Variants in KLHDC2 observed in about 807,000 individuals in gnomAD.
The protein encoded by KLHDC2 is kelch domain containing 2.
A neutral mutation model predicts 62.3 loss-of-function variants in KLHDC2; 38 were observed. The observed-to-expected ratio is 0.61, with a 90% CI of 0.47 to 0.80. The LOEUF is 0.80. Ranked by LOEUF, KLHDC2 falls within the 30% of genes least tolerant of loss-of-function variation. The pLI is 0.00. For synonymous variants in KLHDC2, 159 were observed against 161.0 expected, an observed-to-expected ratio of 0.99 and a Z score of 0.09; for missense variants, 430 against 495.3, an observed-to-expected ratio of 0.87 and a Z score of 1.25.
intron 1 of KLHDC2, 56 bp from the exon 2 acceptor site, chr14:49,771,538 C>A: frequency 1.3e-6 from 1 of 773,728 alleles, no homozygotes. Flanking sequence ...TTAAAAAATA[C>A]AGTAGTGCCT....
Position 49,782,991 on chromosome 14 carries a change from C to T in KLHDC2, c.*38C>T. 1 of 1,594,700 alleles carries T rather than the reference C, an allele frequency of 6.3e-7. No individual in the cohort carries two copies. The highest frequency in any genetic ancestry group is 8.6e-7 in the Non-Finnish European group (1 of 1,169,016). On this transcript the variant is annotated 3_prime_UTR_variant, in exon 13 of 13. Transcript: ENST00000298307. ...AATGCCTATGATCACCTTGCATGGACAGCAATCCTGTAAACATCACAGAGT... is the reference window on the plus strand; with the variant it reads ...AATGCCTATGATCACCTTGCATGGATAGCAATCCTGTAAACATCACAGAGT...
rs1594698386 is a variant in KLHDC2, at chr14:49,771,359, AG to A, written c.154-234del. Among the ~76,000 whole-genome samples, 3 of 151,874 alleles carry A rather than the reference AG, an allele frequency of 2.0e-5. No individual in the cohort carries two copies. In the East Asian group the frequency reaches 5.8e-4, roughly 29 times the overall value. On this transcript the variant is annotated intron_variant, in intron 1 of 12. Transcript: ENST00000298307. ...TAGAGACTTGGACTAAAAAAAAAAA[AG>A]TTCCCAGAGATCTCTTCTTGTCCTA...
intron 6 of KLHDC2, among the ~76,000 whole-genome samples, 174 bp downstream of exon 6, chr14:49,778,668 G>C (rs1398223558): frequency 6.6e-6 from 1 of 151,858 alleles, no homozygotes; most frequent in African/African-American, 2.4e-5. Flanking sequence ...CTAGAACTCA[G>C]AAGTTTAATG....
At chr14:49,781,329 T>TCGTACCA in intron 10 of KLHDC2, among the ~76,000 whole-genome samples, 1 of 148,964 alleles carries the variant, frequency 6.7e-6, no homozygotes, top group South Asian at 2.1e-4. Flanking sequence ...AGATCGTGCC[T>TCGTACCA]TTGCACTCCA....
In KLHDC2 at chr14:49,782,954, G is replaced by A; in HGVS notation, c.*1G>A. 1 of 1,611,090 alleles carries A rather than the reference G, an allele frequency of 6.2e-7. No homozygotes were observed. The highest frequency in any genetic ancestry group is 1.3e-5 in the African/African-American group (1 of 74,894). ...TAGTAACAACACTTCTGGATCTTAA[G>A]GCTTCATAAATAATGCCTATGATCA... On this transcript the variant is annotated 3_prime_UTR_variant, in exon 13 of 13. Transcript: ENST00000298307.
intron 9 of KLHDC2, 63 bp downstream of exon 9, chr14:49,780,385 A>T: frequency 8.9e-7 from 1 of 1,122,462 alleles, no homozygotes; most frequent in East Asian, 2.3e-5. Context: ...ATAGCTGAAA[A>T]TGAGTCTATT....
In KLHDC2 at chr14:49,783,612, C is replaced by T. The variant is rs1890019176; in HGVS notation, c.*659C>T. ...CATCATTTTCCATTCTGTTAAGAGA[C>T]AGAGGAAAAGTGGGTTAGAGTCTTT... On this transcript the variant is annotated 3_prime_UTR_variant, in exon 13 of 13. Transcript: ENST00000298307. 6.6e-6 allele frequency: 1 copy of T among 151,834 alleles called. No individual in the cohort carries two copies. Among genetic ancestry groups the T allele is most frequent in the African/African-American group, 2.4e-5 (1 of 41,288 alleles). The allele number at this position is 151,834 out of a possible 1,614,324, so 9.4% of individuals were successfully genotyped here. A position where few individuals can be genotyped will look rare whatever the true frequency, so the allele number is the denominator to read the frequency against.
intron 3 of KLHDC2, among the ~76,000 whole-genome samples, chr14:49,776,072 C>CCCCT (rs1396215429): frequency 6.6e-6 from 1 of 152,146 alleles, no homozygotes; most frequent in African/African-American, 2.4e-5. Flanking sequence ...CTCCAAGCTG[C>CCCCT]CCCTTCCTCC....
chr14:49,782,224 T>G (rs1889938555), intron 10 of KLHDC2, 146 bp from the exon 11 acceptor site: 1 of 549,080 alleles, frequency 1.8e-6, no homozygotes, highest in Admixed American at 3.6e-5. Flanking sequence ...TTTGCTACTT[T>G]CCCTTAAGAT....
intron 10 of KLHDC2, 81 bp downstream of exon 10, chr14:49,780,856 AT>A: frequency 2.5e-6 from 2 of 793,786 alleles, no homozygotes; most frequent in Middle Eastern, 6.9e-4. Flanking sequence ...CAGCATTCTT[AT>A]TTATAAAAAT....
chr14:49,776,935 A>ATG (rs1889785734), intron 3 of KLHDC2, among the ~76,000 whole-genome samples: 1 of 149,076 alleles, frequency 6.7e-6, no homozygotes, highest in African/African-American at 2.5e-5. Context: ...AAAAAGAAAT[A>ATG]TATATATATA....
intron 1 of KLHDC2, among the ~76,000 whole-genome samples, chr14:49,770,903 A>G (rs1338539186): frequency 6.6e-6 from 1 of 152,234 alleles, no homozygotes; most frequent in African/African-American, 2.4e-5. Flanking sequence ...GGTGAAAGGA[A>G]GGCATGGCTA....
At chr14:49,770,104 G>C (rs1291018714) in intron 1 of KLHDC2, among the ~76,000 whole-genome samples, 1 of 152,094 alleles carries the variant, frequency 6.6e-6, no homozygotes, top group Non-Finnish European at 1.5e-5. Context: ...CAGCATGAGA[G>C]AATAAGACTT....
At chr14:49,774,810 T>C in intron 3 of KLHDC2, 132 bp downstream of exon 3, 2 of 727,664 alleles carry the variant, frequency 2.7e-6, no homozygotes, top group South Asian at 1.5e-5. Context: ...GATTATGATA[T>C]GAATGTGCAT....
intron 10 of KLHDC2, among the ~76,000 whole-genome samples, chr14:49,781,197 G>A (rs1004051462): frequency 1.6e-4 from 24 of 151,832 alleles, no homozygotes; most frequent in Admixed American, 9.8e-4. Flanking sequence ...GTGAAACCCC[G>A]TCTCTAGTAA....
intron 3 of KLHDC2, among the ~76,000 whole-genome samples, chr14:49,776,116 G>A (rs964291024): frequency 2.0e-5 from 3 of 152,136 alleles, no homozygotes; most frequent in Non-Finnish European, 4.4e-5. Context: ...ACTTTTGTTT[G>A]TATACGTTGG....
At chr14:49,775,117 A>C (rs1889743583) in intron 3 of KLHDC2, among the ~76,000 whole-genome samples, 1 of 152,234 alleles carries the variant, frequency 6.6e-6, no homozygotes, top group Non-Finnish European at 1.5e-5. Flanking sequence ...TGGTGCCCAA[A>C]GACAATGCTG....
In KLHDC2 at chr14:49,780,342, GATA is replaced by G; in HGVS notation, c.883+23_883+25del. ...CACTAAGTAAGTCCTTGAAAAATAT[GATA>G]ATGAAATCATCATATATCATCCATA... On this transcript the variant is annotated intron_variant, in intron 9 of 12. Transcript: ENST00000298307. The G allele has an allele frequency of 2.1e-6, 3 of 1,408,766 alleles. No individual in the cohort carries two copies. The highest frequency in any genetic ancestry group is 3.0e-6 in the Non-Finnish European group (3 of 993,068). 87.3% of individuals were successfully genotyped at this position (1,408,766 alleles called of 1,614,324 possible). A position where few individuals can be genotyped will look rare whatever the true frequency, so the allele number is the denominator to read the frequency against.
In KLHDC2 at chr14:49,780,241, C is replaced by T. The variant is rs887358466; in HGVS notation, c.802C>T (p.Arg268Ter). 6 of 1,612,808 alleles carry T rather than the reference C, an allele frequency of 3.7e-6. No individual in the cohort carries two copies. The highest frequency in any genetic ancestry group is 5.1e-6 in the Non-Finnish European group (6 of 1,179,038). The change falls in exon 9 of 13, where the codon CGA becomes TGA. Residue 268 changes from arginine (R) to a stop codon, truncating the protein, a stop_gained. Coordinates refer to ENST00000298307, the MANE Select transcript of KLHDC2 (RefSeq NM_014315.3). LOFTEE classifies it high-confidence loss of function. ...TCCACAAGGCATATGCCCAGTTGGT[C>T]GATCTTGGCACTCACTAACACCAGT... ...LIPQGICPVG[R>*]SWHSLTPVSS... is the part of the protein sequence containing the mutation.
Sources: gnomAD v4.1 joint callset for allele counts (sites outside exome capture counted in the v4.1 genomes callset) on GRCh38, gnomAD v4.1.1 for gene constraint, MANE v1.5 for transcripts, NCBI Gene and HGNC (gene_info 2026-07-23, HGNC 2026-07-21) for gene names.